Variants in PLXDC2 observed in about 807,000 individuals in gnomAD.
PLXDC2 encodes plexin domain containing 2.
PLXDC2 carries 40 observed loss-of-function variants against 68.9 expected under a neutral mutation model. The ratio of observed to expected loss-of-function variants is 0.58; its 90% CI spans 0.45 to 0.76. The LOEUF is 0.76. Among genes scored for constraint, PLXDC2 ranks in the 30% least tolerant of loss-of-function variants. The probability of loss-of-function intolerance (pLI) is 0.00; values close to 1 mark genes in which losing one functional copy is unlikely to be tolerated. For missense variants in PLXDC2, 644 were observed against 661.9 expected (o/e 0.97, Z 0.30); for synonymous variants, 243 against 234.2 (o/e 1.04, Z -0.34).
At chr10:20,072,005 T>A (rs1180435574) in intron 4 of PLXDC2, among the ~76,000 whole-genome samples, 2 of 152,242 alleles carry the variant, frequency 1.3e-5, no homozygotes, top group African/African-American at 4.8e-5. Context: ...AGGGTTGGAA[T>A]GAGTCTAGTG....
chr10:20,096,206 T>A (rs570174236), intron 4 of PLXDC2, among the ~76,000 whole-genome samples: 29 of 152,322 alleles, frequency 1.9e-4, no homozygotes, highest in Non-Finnish European at 2.6e-4. Context: ...AATTAGTATC[T>A]TGTGCATAAC....
intron 1 of PLXDC2, among the ~76,000 whole-genome samples, chr10:19,986,818 T>G (rs1834649324): frequency 6.6e-6 from 1 of 152,208 alleles, no homozygotes; most frequent in South Asian, 2.1e-4. Flanking sequence ...GAAAATTATC[T>G]GTGTAGAATG....
At chr10:19,980,996 C>CTTTATTT (rs1047426462) in intron 1 of PLXDC2, among the ~76,000 whole-genome samples, 6 of 152,192 alleles carry the variant, frequency 3.9e-5, no homozygotes, top group Admixed American at 1.3e-4. Flanking sequence ...AGTTTTACCT[C>CTTTATTT]TTTATTTCAA....
At chr10:20,091,062 C>T (rs927497233) in intron 4 of PLXDC2, among the ~76,000 whole-genome samples, 2 of 152,158 alleles carry the variant, frequency 1.3e-5, no homozygotes, top group African/African-American at 4.8e-5. Flanking sequence ...CCAGCCCCCC[C>T]ACACCCCGGT....
At chr10:20,246,416 C>G (rs925032150) in intron 13 of PLXDC2, among the ~76,000 whole-genome samples, 1 of 152,204 alleles carries the variant, frequency 6.6e-6, no homozygotes, top group Non-Finnish European at 1.5e-5. Flanking sequence ...GTGGTGCGAT[C>G]TCGGCTCACT....
At chr10:19,877,080 A>G (rs1837645865) in intron 1 of PLXDC2, among the ~76,000 whole-genome samples, 1 of 152,234 alleles carries the variant, frequency 6.6e-6, no homozygotes, top group Non-Finnish European at 1.5e-5. Context: ...CCGAATATAA[A>G]TTGATCACTG....
chr10:20,217,282 T>C, intron 10 of PLXDC2, 144 bp from the exon 11 acceptor site: 1 of 608,412 alleles, frequency 1.6e-6, no homozygotes, highest in Non-Finnish European at 2.5e-6. Flanking sequence ...AGCAAAATCA[T>C]TAATATAGTC....
intron 1 of PLXDC2, among the ~76,000 whole-genome samples, chr10:19,975,237 G>A (rs1228280522): frequency 3.0e-4 from 46 of 151,860 alleles, no homozygotes; most frequent in Non-Finnish European, 2.6e-4. Flanking sequence ...GGCGGATCAC[G>A]AGGTCAGGAG....
intron 4 of PLXDC2, among the ~76,000 whole-genome samples, chr10:20,089,064 A>G (rs758599738): frequency 6.6e-6 from 1 of 152,130 alleles, no homozygotes; most frequent in South Asian, 2.1e-4. Context: ...AACCATAACA[A>G]ATACATGTCA....
chr10:19,841,768 G>C (rs1349248921), intron 1 of PLXDC2, among the ~76,000 whole-genome samples: 1 of 152,088 alleles, frequency 6.6e-6, no homozygotes, highest in Non-Finnish European at 1.5e-5. Flanking sequence ...CTTTCAGTAA[G>C]TGCTGATGAT....
At chr10:19,850,523 A>C (rs1837095647) in intron 1 of PLXDC2, among the ~76,000 whole-genome samples, 1 of 152,192 alleles carries the variant, frequency 6.6e-6, no homozygotes, top group Non-Finnish European at 1.5e-5. Context: ...TTTGCTAAAA[A>C]GATTAGTATC....
rs1380124800 is a variant in PLXDC2 at position 20,046,918 on chromosome 10, A to T, written c.374A>T (p.Asp125Val). The T allele has an allele frequency of 1.2e-6, 2 of 1,612,818 alleles. No individual in the cohort carries two copies. The highest frequency in any genetic ancestry group is 1.7e-6 in the Non-Finnish European group (2 of 1,179,288). ...YYISRIYGPS[D>V]SASRDLWVNI... ...ATATCTCGAATATATGGTCCATCTG[A>T]TTCTGCCAGCCGGGATTTATGGGTG... Residue 125 changes from aspartate to valine, a missense_variant, in exon 3 of 14, where the codon GAT becomes GTT. Transcript: ENST00000377252.
At chr10:20,058,108 G>A (rs184790181) in intron 3 of PLXDC2, among the ~76,000 whole-genome samples, 14 of 152,094 alleles carry the variant, frequency 9.2e-5, no homozygotes, top group Admixed American at 7.9e-4. Flanking sequence ...TAGTCACTTC[G>A]CTCATGAACT....
chr10:20,171,797 A>G (rs926766494), intron 7 of PLXDC2, among the ~76,000 whole-genome samples: 2 of 152,086 alleles, frequency 1.3e-5, no homozygotes, highest in Non-Finnish European at 2.9e-5. Context: ...TTTTAGAGAA[A>G]GTAAATTTTT....
At chr10:19,839,295 G>T (rs1449467123) in intron 1 of PLXDC2, among the ~76,000 whole-genome samples, 1 of 152,102 alleles carries the variant, frequency 6.6e-6, no homozygotes, top group Non-Finnish European at 1.5e-5. Context: ...TGGGCATGTG[G>T]CCCAGGACAG....
At chr10:19,999,270 T>C (rs555014966) in intron 1 of PLXDC2, among the ~76,000 whole-genome samples, 7 of 152,152 alleles carry the variant, frequency 4.6e-5, no homozygotes, top group African/African-American at 1.7e-4. Context: ...ATCTAAAAAA[T>C]GGTAAAAATT....
chr10:20,044,243 T>C (rs867062415), intron 2 of PLXDC2, among the ~76,000 whole-genome samples: 13 of 114,284 alleles, frequency 1.1e-4, no homozygotes, highest in African/African-American at 4.8e-4. Flanking sequence ...CTTTCTTTCT[T>C]TCTTTCTTTC....
intron 4 of PLXDC2, among the ~76,000 whole-genome samples, chr10:20,140,872 AT>A (rs1046193288): frequency 1.1e-4 from 17 of 148,576 alleles, no homozygotes; most frequent in Non-Finnish European, 1.5e-4. Flanking sequence ...TGGGGTTTTT[AT>A]TTTTTTTTTC....
chr10:20,038,214 T>C (rs111924027), intron 2 of PLXDC2, among the ~76,000 whole-genome samples: 2,676 of 151,458 alleles, frequency 0.018, 76 homozygotes, highest in African/African-American at 0.061. Context: ...CCAGCCTGGG[T>C]GACAGAGCAA....
Sources: allele counts gnomAD v4.1 joint callset (sites outside exome capture counted in the v4.1 genomes callset), GRCh38; gene constraint gnomAD v4.1.1; transcripts MANE v1.5; gene names NCBI Gene and HGNC (gene_info 2026-07-23, HGNC 2026-07-21).